Variants in MIER2 observed in about 807,000 individuals in gnomAD.
MIER2 encodes the protein mesoderm induction early response protein 2.
MIER2 carries 30 observed loss-of-function variants against 67.6 expected under a neutral mutation model. The ratio of observed to expected loss-of-function variants is 0.44; its 90% CI spans 0.33 to 0.60. The LOEUF is 0.60. Among genes scored for constraint, MIER2 ranks in the 20% least tolerant of loss-of-function variants. MIER2 has a pLI of 0.02. For synonymous variants in MIER2, 372 were observed against 312.6 expected (o/e 1.19, Z -2.00); for missense variants, 702 against 745.1 (o/e 0.94, Z 0.67).
At chr19:340,367 C>T (rs1243612962) in intron 1 of MIER2, 1 of 152,248 alleles carries the variant, frequency 6.6e-6, no homozygotes, top group Non-Finnish European at 1.5e-5. Context: ...GATTAATAGC[C>T]TCCTGCTGGT....
Position 327,985 on chromosome 19 carries a change from T to G in MIER2, c.248A>C (p.Asn83Thr). ...AAGCAGCTCATCAAAGGGCATGTCG[T>G]TGCTCTGAGTTGGGGAAGGGAACAA... ...ELEKDFISQS[N>T]DMPFDELLAL... Residue 83 changes from asparagine (N) to threonine (T), a missense_variant, in exon 4 of 14, where the codon AAC becomes ACC. By Grantham distance (65) the Asn-to-Thr change is moderately conservative (BLOSUM62 0). Around this residue, in one of 3 missense-constraint regions of MIER2, gnomAD observed 320 missense variants for 292.6 expected, o/e 1.09. Coordinates refer to ENST00000264819, the MANE Select transcript of MIER2 (RefSeq NM_017550.3). 2 of 1,613,048 alleles carry G rather than the reference T, an allele frequency of 1.2e-6. No individual in the cohort carries two copies. Among genetic ancestry groups the G allele is most frequent in the Non-Finnish European group, 1.7e-6 (2 of 1,179,518 alleles).
At chr19:339,597 T>C (rs887963843) in intron 1 of MIER2, among the ~76,000 whole-genome samples, 2 of 152,158 alleles carry the variant, frequency 1.3e-5, no homozygotes, top group South Asian at 2.1e-4. Context: ...AGGGTCCTAA[T>C]ATCCATCAGC....
intron 7 of MIER2, among the ~76,000 whole-genome samples, chr19:314,471 C>T (rs1971147551): frequency 6.6e-6 from 1 of 152,180 alleles, no homozygotes. Flanking sequence ...ACAAAGCAAA[C>T]CAACAAATAA....
At chr19:309,263 G>C (rs367884212) in intron 10 of MIER2, among the ~76,000 whole-genome samples, 6 of 152,034 alleles carry the variant, frequency 3.9e-5, no homozygotes, top group Non-Finnish European at 8.8e-5. Context: ...CCCCATCCCA[G>C]ACCATGAGCC....
At chr19:318,336 C>T (rs771696635) in intron 7 of MIER2, among the ~76,000 whole-genome samples, 15 of 152,180 alleles carry the variant, frequency 9.9e-5, no homozygotes, top group Non-Finnish European at 1.9e-4. Context: ...AGATTAAGTA[C>T]TTATTTACGG....
chr19:327,793 T>C, intron 4 of MIER2, 71 bp downstream of exon 4: 2 of 1,587,732 alleles, frequency 1.3e-6, no homozygotes, highest in Non-Finnish European at 1.7e-6. Flanking sequence ...AACACTCCCC[T>C]CTGCAGAGAG....
At chr19:319,844 C>G (rs1445137358) in intron 7 of MIER2, among the ~76,000 whole-genome samples, 1 of 152,116 alleles carries the variant, frequency 6.6e-6, no homozygotes, top group Admixed American at 6.5e-5. Flanking sequence ...ACTCTGGTAC[C>G]AAAACCAGAC....
intron 4 of MIER2, 27 bp downstream of exon 4, chr19:327,837 C>A (rs746460346): frequency 1.2e-6 from 2 of 1,609,952 alleles, no homozygotes; most frequent in South Asian, 1.1e-5. Flanking sequence ...CAGCTGTGAG[C>A]CAGTTCCAGG....
At chr19:311,316 G>A (rs975320950) in intron 10 of MIER2, among the ~76,000 whole-genome samples, 2 of 152,258 alleles carry the variant, frequency 1.3e-5, no homozygotes, top group South Asian at 2.1e-4. Flanking sequence ...AGGGCAGAGG[G>A]CACTGCTGCA....
In MIER2 at chr19:306,522, G is replaced by C. The variant is rs371708018; in HGVS notation, c.*168C>G. 8.7e-6 allele frequency: 8 copies of C among 922,326 alleles called. No homozygotes were observed. The highest frequency in any genetic ancestry group is 7.0e-5 in the Admixed American group (3 of 42,674). The allele number at this position is 922,326 out of a possible 1,614,324, so 57.1% of individuals were successfully genotyped here. Reference sequence around the variant, plus strand: ...GTCCATTCTGTGTGGACAGGGGCAAGGGCTCACGGCCCAGCCACCTCACCC... The same window carrying C: ...GTCCATTCTGTGTGGACAGGGGCAACGGCTCACGGCCCAGCCACCTCACCC... On this transcript the variant is annotated 3_prime_UTR_variant, in exon 14 of 14. Transcript: ENST00000264819.
Position 307,532 on chromosome 19 carries a change from TGGATCTGTGAAAGAGAACGCAACAGA to T in MIER2, c.1199-22_1202del, listed in dbSNP as rs1970711719. ...CACCGGCCGTGCCATCCACGCTCAG[TGGATCTGTGAAAGAGAACGCAACAGA>T]GGGTGGGGCCTGCCCACAGCCGCGG... On this transcript the variant is annotated splice_acceptor_variant and splice_polypyrimidine_tract_variant and coding_sequence_variant and intron_variant, in exon 13 of 14. Coordinates refer to ENST00000264819, the MANE Select transcript of MIER2 (RefSeq NM_017550.3). LOFTEE classifies it high-confidence loss of function. 6.7e-7 allele frequency: 1 copy of T among 1,503,076 alleles called. No homozygotes were observed. The highest frequency in any genetic ancestry group is 8.8e-7 in the Non-Finnish European group (1 of 1,132,840). 93.1% of individuals were successfully genotyped at this position (1,503,076 alleles called of 1,614,324 possible). A position where few individuals can be genotyped will look rare whatever the true frequency, so the allele number is the denominator to read the frequency against.
chr19:343,624 G>A (rs1381932702), intron 1 of MIER2, among the ~76,000 whole-genome samples: 1 of 152,214 alleles, frequency 6.6e-6, no homozygotes, highest in East Asian at 1.9e-4. Context: ...CGGCCAGGCC[G>A]CAGTTCCAAT....
chr19:314,746 G>C (rs544710178), intron 7 of MIER2, among the ~76,000 whole-genome samples: 115 of 152,034 alleles, frequency 7.6e-4, no homozygotes, highest in Non-Finnish European at 1.4e-3. Context: ...CATCTCTGGA[G>C]AAAAAGAACA....
At chr19:315,650 A>G (rs1055796871) in intron 7 of MIER2, among the ~76,000 whole-genome samples, 2 of 152,248 alleles carry the variant, frequency 1.3e-5, no homozygotes, top group African/African-American at 4.8e-5. Flanking sequence ...AAGGAAACCA[A>G]TGTTTACAAG....
chr19:333,935 G>A (rs929200391), intron 3 of MIER2, among the ~76,000 whole-genome samples: 11 of 151,996 alleles, frequency 7.2e-5, no homozygotes, highest in Non-Finnish European at 1.3e-4. Flanking sequence ...CTTGTGATCC[G>A]CGCACCTCGG....
intron 1 of MIER2, among the ~76,000 whole-genome samples, chr19:339,062 C>A: frequency 1.4e-5 from 2 of 140,696 alleles, no homozygotes; most frequent in Non-Finnish European, 1.5e-5. Flanking sequence ...AGATAAGACA[C>A]CAAAATCACA....
chr19:335,808 G>A lies in MIER2; in HGVS notation c.100+275C>T, dbSNP rs114338681. ...GGCAAGATGAGGCAGCCCTCAGCTC[G>A]GTGCAGGCGTGTGCCCGGGTCCTCT... On this transcript the variant is annotated intron_variant, in intron 2 of 13. Coordinates refer to ENST00000264819, the MANE Select transcript of MIER2 (RefSeq NM_017550.3). Among the ~76,000 whole-genome samples the A allele has an allele frequency of 3.7e-3, 565 of 152,232 alleles. 3 individuals are homozygous for A. The highest frequency in any genetic ancestry group is 0.013 in the African/African-American group (522 of 41,532).
rs758033994 is a variant in MIER2 at position 326,502 on chromosome 19, C to T, written c.585+5G>A. ...CCAGGTTGGGGAGATGGCAGAACCA[C>T]GTACCTTCTTACATTTGTTGGCAGG... On this transcript the variant is annotated splice_donor_5th_base_variant and intron_variant, in intron 6 of 13. Coordinates refer to ENST00000264819, the MANE Select transcript of MIER2 (RefSeq NM_017550.3). 7 of 1,613,154 alleles carry T rather than the reference C, an allele frequency of 4.3e-6. No individual in the cohort carries two copies. Among genetic ancestry groups the T allele is most frequent in the South Asian group, 1.1e-5 (1 of 91,084 alleles).
intron 1 of MIER2, among the ~76,000 whole-genome samples, chr19:342,278 G>A (rs1271146756): frequency 1.3e-5 from 2 of 152,174 alleles, no homozygotes; most frequent in Non-Finnish European, 2.9e-5. Flanking sequence ...CCCACATGGA[G>A]TTGCTAGTTT....
Sources: allele counts gnomAD v4.1 joint callset (sites outside exome capture counted in the v4.1 genomes callset), GRCh38; gene constraint gnomAD v4.1.1; regional missense constraint gnomAD v4.1.1; transcripts MANE v1.5; gene names NCBI Gene and HGNC (gene_info 2026-07-23, HGNC 2026-07-21).